Variants in NUFIP1 observed in about 807,000 individuals in gnomAD.
The protein encoded by NUFIP1 is FMR1-interacting protein NUFIP1.
In NUFIP1, 38 loss-of-function variants were observed where a neutral mutation model predicts 56.2. The observed-to-expected ratio is 0.68, with a 90% CI of 0.52 to 0.89. The LOEUF is 0.89. Among genes scored for constraint, NUFIP1 ranks in the 40% least tolerant of loss-of-function variants. The probability of loss-of-function intolerance (pLI) is 0.00; values close to 1 mark genes in which losing one functional copy is unlikely to be tolerated. For synonymous variants in NUFIP1, 215 were observed against 212.4 expected, an observed-to-expected ratio of 1.01 and a Z score of -0.10; for missense variants, 567 against 605.8, an observed-to-expected ratio of 0.94 and a Z score of 0.67.
At chr13:44,962,056 A>G (rs895179376) in intron 6 of NUFIP1, among the ~76,000 whole-genome samples, 3 of 152,238 alleles carry the variant, frequency 2.0e-5, no homozygotes, top group Non-Finnish European at 4.4e-5. Context: ...GTAAATAAAA[A>G]TGTAGATGAA....
intron 1 of NUFIP1, among the ~76,000 whole-genome samples, chr13:44,985,917 C>T (rs1872372728): frequency 6.6e-6 from 1 of 152,188 alleles, no homozygotes; most frequent in South Asian, 2.1e-4. Context: ...AAAGCTGATA[C>T]AAGCCAAAAG....
chr13:44,986,976 C>A (rs1461464448), intron 1 of NUFIP1, among the ~76,000 whole-genome samples: 2 of 152,028 alleles, frequency 1.3e-5, no homozygotes, highest in African/African-American at 4.8e-5. Context: ...CATTCCACCA[C>A]GCCTGGCTAA....
At chr13:44,943,702 A>C (rs1566054952) in intron 8 of NUFIP1, 28 bp from the exon 9 acceptor site, 1 of 1,561,448 alleles carries the variant, frequency 6.4e-7, no homozygotes, top group Non-Finnish European at 8.7e-7. Flanking sequence ...CAAACACAAA[A>C]ATAAACAAAA....
chr13:44,949,665 C>A, intron 8 of NUFIP1, 57 bp downstream of exon 8: 2 of 1,051,866 alleles, frequency 1.9e-6, no homozygotes, highest in South Asian at 1.5e-5. Flanking sequence ...GCGCAGCATG[C>A]ACAAAAGGCA....
At chr13:44,958,287 T>C (rs998128263) in intron 7 of NUFIP1, among the ~76,000 whole-genome samples, 12 of 152,216 alleles carry the variant, frequency 7.9e-5, no homozygotes, top group South Asian at 2.1e-4. Flanking sequence ...TTACTTTCAA[T>C]GGCATAAACA....
chr13:44,979,821 C>G lies in NUFIP1; in HGVS notation c.657+69G>C, dbSNP rs924760781. 22 of 1,112,484 alleles carry G rather than the reference C, an allele frequency of 2.0e-5. No individual in the cohort carries two copies. The African/African-American group carries it at 3.2e-4, about 16-fold the overall frequency. The allele number at this position is 1,112,484 out of a possible 1,614,324, so 68.9% of individuals were successfully genotyped here. A position where few individuals can be genotyped will look rare whatever the true frequency, so the allele number is the denominator to read the frequency against. ...ACCTATTATTAGGTATATAAATAAA[C>G]AGTTGTGAAGATAACAGATCAATAA... On this transcript the variant is annotated intron_variant, in intron 4 of 9. Transcript: ENST00000379161.
chr13:44,961,430 T>A (rs1389731322), intron 6 of NUFIP1, among the ~76,000 whole-genome samples: 2 of 152,192 alleles, frequency 1.3e-5, no homozygotes, highest in Non-Finnish European at 2.9e-5. Context: ...ATACAGTACT[T>A]CACAGAGCAA....
intron 5 of NUFIP1, among the ~76,000 whole-genome samples, chr13:44,975,479 A>G (rs1241662590): frequency 6.6e-6 from 1 of 152,048 alleles, no homozygotes; most frequent in Non-Finnish European, 1.5e-5. Flanking sequence ...TCAACCTCAC[A>G]ATCATTTAAT....
chr13:44,951,488 A>G (rs2045051346), intron 7 of NUFIP1, among the ~76,000 whole-genome samples: 1 of 152,230 alleles, frequency 6.6e-6, no homozygotes, highest in African/African-American at 2.4e-5. Flanking sequence ...CCAGTGAGCT[A>G]GAATGCTTCC....
Position 44,965,825 on chromosome 13 carries a change from A to G in NUFIP1, c.827+19T>C. On this transcript the variant is annotated intron_variant, in intron 6 of 9. Transcript: ENST00000379161. Reference sequence around the variant, plus strand: ...TGTTTTGTGCTCCTTTTCATTATTCATAAGCATAAGGAGCTTACCCATATT... The same window carrying G: ...TGTTTTGTGCTCCTTTTCATTATTCGTAAGCATAAGGAGCTTACCCATATT... The G allele has an allele frequency of 6.9e-7, 1 of 1,449,594 alleles. No homozygotes were observed. Among genetic ancestry groups the G allele is most frequent in the South Asian group, 1.3e-5 (1 of 75,024 alleles). The allele number at this position is 1,449,594 out of a possible 1,614,324, so 89.8% of individuals were successfully genotyped here. A position where few individuals can be genotyped will look rare whatever the true frequency, so the allele number is the denominator to read the frequency against.
At position 44,959,682 on chromosome 13, in the gene NUFIP1, T is replaced by C. The variant is rs1871357376; in HGVS notation, c.828-108A>G. On this transcript the variant is annotated intron_variant, in intron 6 of 9. Coordinates refer to ENST00000379161, the MANE Select transcript of NUFIP1 (RefSeq NM_012345.3). ...GAAACCTAGCTGTAAAACTGATCAC[T>C]TGTAGCCTAGTACATTAAAGAGACG... 3.5e-6 allele frequency: 3 copies of C among 849,672 alleles called. No individual in the cohort carries two copies. In the South Asian group the frequency reaches 5.1e-5, roughly 14 times the overall value. The allele number at this position is 849,672 out of a possible 1,614,324, so 52.6% of individuals were successfully genotyped here. A position where few individuals can be genotyped will look rare whatever the true frequency, so the allele number is the denominator to read the frequency against.
chr13:44,980,856 T>TGG (rs1319851033), intron 2 of NUFIP1, 36 bp from the exon 3 acceptor site: 1 of 1,325,866 alleles, frequency 7.5e-7, no homozygotes, highest in Non-Finnish European at 1.1e-6. Flanking sequence ...AGGCTTTTGG[T>TGG]GAAAAATCTG....
intron 2 of NUFIP1, among the ~76,000 whole-genome samples, chr13:44,981,867 G>A (rs1255140425): frequency 6.6e-6 from 1 of 151,534 alleles, no homozygotes; most frequent in East Asian, 1.9e-4. Flanking sequence ...TAAAACCACA[G>A]AAAAGAAACA....
At position 44,984,822 on chromosome 13, in the gene NUFIP1, T is replaced by C. The variant is rs369991906; in HGVS notation, c.413-2668A>G. 6.7e-4 allele frequency among the ~76,000 whole-genome samples: 102 copies of C among 152,250 alleles called. 1 individual carries two copies. In the South Asian group the frequency reaches 0.021, roughly 31 times the overall value. On this transcript the variant is annotated intron_variant, in intron 1 of 9. Transcript: ENST00000379161. ...GTGCTGCACCCATTAACTCGTCATT[T>C]AGCATTAGGTATATCTCCTAATGCT...
At chr13:44,962,320 T>C (rs117261752) in intron 6 of NUFIP1, among the ~76,000 whole-genome samples, 39 of 152,338 alleles carry the variant, frequency 2.6e-4, no homozygotes, top group Admixed American at 1.1e-3. Flanking sequence ...CTTTCTCCAC[T>C]GCATTATATT....
intron 5 of NUFIP1, among the ~76,000 whole-genome samples, chr13:44,969,876 C>T (rs968009663): frequency 1.3e-5 from 2 of 152,178 alleles, no homozygotes; most frequent in East Asian, 3.8e-4. Flanking sequence ...TTACTCTTCC[C>T]ACTCTCATTA....
chr13:44,957,998 TA>T (rs1445261267), intron 7 of NUFIP1, among the ~76,000 whole-genome samples: 1 of 152,208 alleles, frequency 6.6e-6, no homozygotes, highest in East Asian at 1.9e-4. Flanking sequence ...GAGCTCTCTC[TA>T]AAATTTTTTG....
intron 1 of NUFIP1, among the ~76,000 whole-genome samples, chr13:44,987,878 G>C (rs913515083): frequency 6.6e-6 from 1 of 152,134 alleles, no homozygotes; most frequent in African/African-American, 2.4e-5. Flanking sequence ...AAAGTCCCAC[G>C]ATCTACAAAG....
At chr13:44,948,057 C>A (rs1870953571) in intron 8 of NUFIP1, among the ~76,000 whole-genome samples, 1 of 151,606 alleles carries the variant, frequency 6.6e-6, no homozygotes. Flanking sequence ...GCTCCTTATT[C>A]AACATCTTCC....
Sources: gnomAD v4.1 joint callset for allele counts (sites outside exome capture counted in the v4.1 genomes callset) on GRCh38, gnomAD v4.1.1 for gene constraint, MANE v1.5 for transcripts, NCBI Gene and HGNC (gene_info 2026-07-23, HGNC 2026-07-21) for gene names.